The following MTUS1 variants were observed in gnomAD, a reference collection of about 807,000 sequenced individuals.
MTUS1 encodes the protein microtubule associated scaffold protein 1, also known as microtubule-associated tumor suppressor 1.
In MTUS1, 109 loss-of-function variants were observed where a neutral mutation model predicts 120.8. The observed-to-expected ratio is 0.90, with a 90% CI of 0.77 to 1.06. The LOEUF (loss-of-function observed/expected upper bound fraction) is 1.06, where lower values mean the gene tolerates loss of function less well. Among genes scored for constraint, MTUS1 ranks in the 50% least tolerant of loss-of-function variants. MTUS1 has a pLI of 0.00. For synonymous variants in MTUS1, 737 were observed against 550.5 expected, an observed-to-expected ratio of 1.34 and a Z score of -4.74; for missense variants, 2,210 against 1,486.3, an observed-to-expected ratio of 1.49 and a Z score of -8.01.
chr8:17,771,681 C>A (rs1459747537), intron 1 of MTUS1, among the ~76,000 whole-genome samples: 1 of 152,206 alleles, frequency 6.6e-6, no homozygotes, highest in African/African-American at 2.4e-5. Context: ...TGAAAACAAA[C>A]CCTATGATAG....
intron 10 of MTUS1, 34 bp downstream of exon 10, chr8:17,654,527 T>C (rs760694870): frequency 1.3e-5 from 17 of 1,328,076 alleles, no homozygotes; most frequent in Non-Finnish European, 1.8e-5. Flanking sequence ...CTTCAGATTT[T>C]ATTCTGTTTA....
At chr8:17,757,125 T>C (rs1299871869) in intron 1 of MTUS1, among the ~76,000 whole-genome samples, 2 of 152,166 alleles carry the variant, frequency 1.3e-5, no homozygotes, top group East Asian at 1.9e-4. Flanking sequence ...CTATTCATAA[T>C]AGTCATAAAG....
At chr8:17,791,268 T>C (rs748682425) in intron 1 of MTUS1, among the ~76,000 whole-genome samples, 5 of 152,240 alleles carry the variant, frequency 3.3e-5, no homozygotes, top group Admixed American at 6.5e-5. Flanking sequence ...CTTAATATCA[T>C]ATTTACAATG....
intron 1 of MTUS1, among the ~76,000 whole-genome samples, chr8:17,757,769 T>A (rs1017856341): frequency 6.6e-6 from 1 of 152,124 alleles, no homozygotes; most frequent in African/African-American, 2.4e-5. Flanking sequence ...TCAGGTAATC[T>A]GCCCACCTCG....
chr8:17,786,390 T>C (rs1035159116), intron 1 of MTUS1, among the ~76,000 whole-genome samples: 7 of 151,958 alleles, frequency 4.6e-5, no homozygotes, highest in Non-Finnish European at 8.8e-5. Flanking sequence ...CCATCTCAGA[T>C]AAAAGCTCTT....
At chr8:17,708,195 T>C (rs1820543291) in intron 6 of MTUS1, among the ~76,000 whole-genome samples, 1 of 152,240 alleles carries the variant, frequency 6.6e-6, no homozygotes, top group South Asian at 2.1e-4. Flanking sequence ...GAGAAAATAT[T>C]TGCAAATGAT....
rs541307072 is a variant in MTUS1, at chr8:17,756,674, C to CCCCCCCCT, written c.-154-714_-154-713insAGGGGGGG. Among the ~76,000 whole-genome samples the CCCCCCCCT allele has an allele frequency of 7.5e-5, 4 of 53,316 alleles. No homozygotes were observed. In the East Asian group the frequency reaches 1.4e-3, roughly 19 times the overall value. 35.0% of individuals were successfully genotyped at this position (53,316 alleles called of 152,430 possible). A position where few individuals can be genotyped will look rare whatever the true frequency, so the allele number is the denominator to read the frequency against. On this transcript the variant is annotated intron_variant, in intron 1 of 14. Coordinates refer to ENST00000693296, the MANE Select transcript of MTUS1 (RefSeq NM_001363059.2). ...CCAATTCATATGTCAAGCCCAAACC[C>CCCCCCCCT]CCACCCCTTATGTAACTATGTTGGA...
At chr8:17,795,194 G>C (rs191275038) in intron 1 of MTUS1, among the ~76,000 whole-genome samples, 16 of 152,222 alleles carry the variant, frequency 1.1e-4, no homozygotes, top group African/African-American at 3.9e-4. Context: ...AATGAACACT[G>C]TCACAAACAT....
At chr8:17,749,659 C>CAAAAA (rs768210060) in intron 2 of MTUS1, among the ~76,000 whole-genome samples, 1 of 76,406 alleles carries the variant, frequency 1.3e-5, no homozygotes, top group Non-Finnish European at 2.7e-5. Context: ...GAATCTGTCT[C>CAAAAA]AAAAAAAAAA....
chr8:17,676,365 G>A (rs778799479), intron 7 of MTUS1: 48 of 702,272 alleles, frequency 6.8e-5, no homozygotes, highest in African/African-American at 2.5e-4. Context: ...CCCACCCCTC[G>A]CACTGTGCAA....
In MTUS1 at chr8:17,646,128, G is replaced by A. The variant is rs200007955; in HGVS notation, c.3611C>T (p.Thr1204Met). 1.1e-5 allele frequency: 18 copies of A among 1,609,222 alleles called. No individual in the cohort carries two copies. The highest frequency in any genetic ancestry group is 8.4e-5 in the Admixed American group (5 of 59,326). ...CGACTCTTGCAGAACAGCCTGCTCC[G>A]TGGAAAGCTGCCTTGAAGAAAAAGG... ...KHMAISRQLS[T>M]EQAVLQESLE... The change falls in exon 15 of 15, where the codon ACG becomes ATG. Residue 1204 changes from threonine (T) to methionine (M), a missense_variant. Thr to Met is a moderately conservative substitution (Grantham distance 81). Coordinates refer to ENST00000693296, the MANE Select transcript of MTUS1 (RefSeq NM_001363059.2).
At chr8:17,650,062 C>T (rs540139101) in intron 12 of MTUS1, 100 bp from the exon 13 acceptor site, 25 of 755,704 alleles carry the variant, frequency 3.3e-5, no homozygotes, top group Middle Eastern at 4.6e-4. Flanking sequence ...AAGTAGCAAG[C>T]GACAGATGTT....
intron 12 of MTUS1, among the ~76,000 whole-genome samples, chr8:17,651,232 G>T (rs11988611): frequency 0.014 from 2,074 of 152,200 alleles, 57 homozygotes; most frequent in African/African-American, 0.048. Flanking sequence ...GTTGGTTAAT[G>T]CATACAAACA....
At position 17,743,663 on chromosome 8, in the gene MTUS1, C is replaced by A. The variant is rs1296461415; in HGVS notation, c.2228G>T (p.Arg743Ile). Residue 743 changes from arginine (R) to isoleucine (I), a missense_variant, in exon 3 of 15, where the codon AGA becomes ATA. Transcript: ENST00000693296. ...TACGGCTCGATCAGCACTGGGATTT[C>A]TATTGTCACTGTTCCGCCTCAAACA... ...VSCLRRNSDN[R>I]NPSADRAVSP... 6.2e-7 allele frequency: 1 copy of A among 1,613,922 alleles called. No homozygotes were observed. Among genetic ancestry groups the A allele is most frequent in the South Asian group, 1.1e-5 (1 of 91,032 alleles).
At chr8:17,703,855 C>A (rs953036072) in intron 6 of MTUS1, 1 of 152,234 alleles carries the variant, frequency 6.6e-6, no homozygotes, top group East Asian at 1.9e-4. Flanking sequence ...GGTCCTGTTT[C>A]CTCAGAAGCA....
chr8:17,724,967 G>C (rs1001005587), intron 3 of MTUS1, among the ~76,000 whole-genome samples: 2 of 152,064 alleles, frequency 1.3e-5, no homozygotes, highest in Admixed American at 1.3e-4. Flanking sequence ...TGTTGCCCAG[G>C]CTGGTCTCAA....
chr8:17,725,997 A>G (rs1201037126), intron 3 of MTUS1, among the ~76,000 whole-genome samples: 11 of 152,134 alleles, frequency 7.2e-5, no homozygotes, highest in African/African-American at 2.7e-4. Flanking sequence ...CCCTCAGGCC[A>G]TGCCTCTACC....
intron 3 of MTUS1, among the ~76,000 whole-genome samples, chr8:17,735,693 G>C (rs1248486053): frequency 6.6e-6 from 1 of 152,258 alleles, no homozygotes; most frequent in Admixed American, 6.5e-5. Flanking sequence ...CAACAAGTTA[G>C]TGTTGCTCCT....
Position 17,645,716 on chromosome 8 carries a change from T to C in MTUS1, c.*210A>G. 1 of 561,434 alleles carries C rather than the reference T, an allele frequency of 1.8e-6. No individual in the cohort carries two copies. Among genetic ancestry groups the C allele is most frequent in the African/African-American group, 1.9e-5 (1 of 52,136 alleles). 34.8% of individuals were successfully genotyped at this position (561,434 alleles called of 1,614,324 possible). On this transcript the variant is annotated 3_prime_UTR_variant, in exon 15 of 15. Transcript: ENST00000693296. ...ATGCCGAAATCTTTTTTTAAATCTT[T>C]TTTTGGAGGAATCTTTTGGACGGAG...
Sources: gnomAD v4.1 joint callset for allele counts (sites outside exome capture counted in the v4.1 genomes callset) on GRCh38, gnomAD v4.1.1 for gene constraint, MANE v1.5 for transcripts, NCBI Gene and HGNC (gene_info 2026-07-23, HGNC 2026-07-21) for gene names.